Variants in POU2AF1 observed in about 807,000 individuals in gnomAD.
POU2AF1 encodes the protein POU domain class 2-associating factor 1.
Under a neutral mutation model 26.3 loss-of-function variants are expected in POU2AF1, and 12 were observed. The ratio of observed to expected loss-of-function variants is 0.46; its 90% CI spans 0.29 to 0.74. The LOEUF (loss-of-function observed/expected upper bound fraction) is 0.74, where lower values mean the gene tolerates loss of function less well. POU2AF1 is among the 30% of genes least tolerant of loss of function. POU2AF1 has a pLI of 0.09. For missense variants in POU2AF1, 297 were observed against 334.5 expected (o/e 0.89, Z 0.87); for synonymous variants, 175 against 148.0 (o/e 1.18, Z -1.32).
chr11:111,370,722 T>TC (rs1204291988), intron 1 of POU2AF1, among the ~76,000 whole-genome samples: 2 of 152,178 alleles, frequency 1.3e-5, no homozygotes, highest in Non-Finnish European at 2.9e-5. Context: ...ATCCTTGGAT[T>TC]TTCTTCCCAG....
At chr11:111,378,144 T>C (rs1861345128) in intron 1 of POU2AF1, among the ~76,000 whole-genome samples, 2 of 152,244 alleles carry the variant, frequency 1.3e-5, no homozygotes, top group African/African-American at 4.8e-5. Context: ...TTTTCCGAAC[T>C]TTAGTGGATC....
Position 111,354,135 on chromosome 11 carries a change from T to C in POU2AF1, c.*126A>G, listed in dbSNP as rs561477520. On this transcript the variant is annotated 3_prime_UTR_variant, in exon 5 of 5. Coordinates refer to ENST00000393067, the MANE Select transcript of POU2AF1 (RefSeq NM_006235.3). ...GGAAGGAAGGTTTACAGGTCTACAA[T>C]TCTAGCTGTGCGTAGAAAGTGTAGT... The C allele has an allele frequency of 9.4e-7, 1 of 1,061,444 alleles. No individual in the cohort carries two copies. The highest frequency in any genetic ancestry group is 2.6e-5 in the East Asian group (1 of 38,184). The allele number at this position is 1,061,444 out of a possible 1,614,324, so 65.8% of individuals were successfully genotyped here.
intron 1 of POU2AF1, among the ~76,000 whole-genome samples, chr11:111,361,593 T>A (rs1861009725): frequency 6.6e-6 from 1 of 152,250 alleles, no homozygotes; most frequent in African/African-American, 2.4e-5. Context: ...ATTATCTTCC[T>A]TCTGGCCATT....
chr11:111,358,913 C>A lies in POU2AF1; in HGVS notation c.22G>T (p.Ala8Ser), dbSNP rs1422770371. MLWQKPT[A>S]PEQAPAPARP... is the part of the protein sequence containing the mutation. ...GCCGGGGCTGGGGCTTGCTCCGGAG[C>A]TGTGGCTGTGAAAAGCAATGTCCCT... is the stretch of plus-strand genomic sequence containing the variant. Residue 8 changes from alanine (A) to serine (S), a missense_variant, in exon 2 of 5, where the codon GCT becomes TCT. Physicochemically the swap from Ala to Ser is moderately conservative, Grantham distance 99 (BLOSUM62 1). Coordinates refer to ENST00000393067, the MANE Select transcript of POU2AF1 (RefSeq NM_006235.3). 1 of 1,602,160 alleles carries A rather than the reference C, an allele frequency of 6.2e-7. No individual in the cohort carries two copies. Among genetic ancestry groups the A allele is most frequent in the South Asian group, 1.1e-5 (1 of 90,276 alleles).
chr11:111,358,649 C>G (rs550912551), intron 2 of POU2AF1, 139 bp downstream of exon 2: 254 of 1,097,542 alleles, frequency 2.3e-4, no homozygotes, highest in Admixed American at 2.0e-3. Flanking sequence ...CTATCACACT[C>G]TCACACACTC....
At chr11:111,372,716 CA>C (rs1343127469) in intron 1 of POU2AF1, among the ~76,000 whole-genome samples, 3 of 152,230 alleles carry the variant, frequency 2.0e-5, no homozygotes, top group African/African-American at 7.2e-5. Flanking sequence ...TTACACTCAA[CA>C]TCCACCTTCC....
Position 111,367,965 on chromosome 11 carries a change from C to T in POU2AF1, c.17-9047G>A, listed in dbSNP as rs1208307706. Among the ~76,000 whole-genome samples, 4 of 152,158 alleles carry T rather than the reference C, an allele frequency of 2.6e-5. No homozygotes were observed. The East Asian group carries it at 7.7e-4, about 29-fold the overall frequency. On this transcript the variant is annotated intron_variant, in intron 1 of 4. Coordinates refer to ENST00000393067, the MANE Select transcript of POU2AF1 (RefSeq NM_006235.3). ...GAAAGGGTTCGCAGATACACTGTGT[C>T]CCAGGGTAGGGGACAAGACCAAGAG...
rs1165460547 is a variant in POU2AF1 at position 111,354,102 on chromosome 11, G to A, written c.*159C>T. ...GGAGGAAGTGAGGGAGGGAGGGGAAGGAAGAAGGGAAGGAAGGTTTACAGG... is the reference window on the plus strand; with the variant it reads ...GGAGGAAGTGAGGGAGGGAGGGGAAAGAAGAAGGGAAGGAAGGTTTACAGG... On this transcript the variant is annotated 3_prime_UTR_variant, in exon 5 of 5. Transcript: ENST00000393067. 6 of 711,838 alleles carry A rather than the reference G, an allele frequency of 8.4e-6. No homozygotes were observed. Among genetic ancestry groups the A allele is most frequent in the Admixed American group, 3.5e-5 (1 of 28,446 alleles). The allele number at this position is 711,838 out of a possible 1,614,324, so 44.1% of individuals were successfully genotyped here.
chr11:111,357,350 C>T lies in POU2AF1; in HGVS notation c.456+95G>A, dbSNP rs571009338. On this transcript the variant is annotated intron_variant, in intron 4 of 4. Coordinates refer to ENST00000393067, the MANE Select transcript of POU2AF1 (RefSeq NM_006235.3). ...CTGATGACCTGATTATCTTGAGAAT[C>T]AATAGCAAGGAAGATCAGGATCGAG... The T allele has an allele frequency of 1.1e-4, 162 of 1,532,628 alleles. 2 individuals are homozygous for T. In the South Asian group the frequency reaches 1.7e-3, roughly 16 times the overall value. The allele number at this position is 1,532,628 out of a possible 1,614,324, so 94.9% of individuals were successfully genotyped here.
At position 111,373,809 on chromosome 11, in the gene POU2AF1, C is replaced by T. The variant is rs575408647; in HGVS notation, c.16+5353G>A. Among the ~76,000 whole-genome samples the T allele has an allele frequency of 2.0e-5, 3 of 152,262 alleles. No homozygotes were observed. In the South Asian group the frequency reaches 6.2e-4, roughly 32 times the overall value. On this transcript the variant is annotated intron_variant, in intron 1 of 4. Transcript: ENST00000393067. ...ACAAGAGGGTTTCAGAGAAGGCCTC[C>T]CCATCCCAGGTAGGCTCACTTAGTT...
At chr11:111,377,552 C>T (rs1861332639) in intron 1 of POU2AF1, among the ~76,000 whole-genome samples, 1 of 152,164 alleles carries the variant, frequency 6.6e-6, no homozygotes, top group Non-Finnish European at 1.5e-5. Flanking sequence ...TTCGGTGGCA[C>T]CTCACTTACT....
Position 111,353,048 on chromosome 11 carries a change from A to G in POU2AF1, c.*1213T>C. On this transcript the variant is annotated 3_prime_UTR_variant, in exon 5 of 5. Transcript: ENST00000393067. ...AAGGAAGGAAGGAAGGAAGGAAGGA[A>G]GGAAGGAAAGAAACAAAACCCACAT... 5.4e-6 allele frequency: 1 copy of G among 186,312 alleles called. No homozygotes were observed. Among genetic ancestry groups the G allele is most frequent in the Middle Eastern group, 1.7e-3 (1 of 584 alleles). The allele number at this position is 186,312 out of a possible 1,614,324, so 11.5% of individuals were successfully genotyped here. A position where few individuals can be genotyped will look rare whatever the true frequency, so the allele number is the denominator to read the frequency against.
At chr11:111,358,566 A>ACTCACACACTCACACTCC (rs1860928195) in intron 2 of POU2AF1, among the ~76,000 whole-genome samples, 1 of 148,430 alleles carries the variant, frequency 6.7e-6, no homozygotes, top group Non-Finnish European at 1.5e-5. Flanking sequence ...ACATGCATAC[A>ACTCACACACTCACACTCC]CTCACACACT....
intron 1 of POU2AF1, among the ~76,000 whole-genome samples, chr11:111,373,735 C>A (rs77466420): frequency 1.1e-5 from 1 of 91,594 alleles, no homozygotes; most frequent in East Asian, 3.2e-4. Context: ...GAAAGTAAAA[C>A]CCCTGGCTCC....
intron 1 of POU2AF1, among the ~76,000 whole-genome samples, chr11:111,373,866 G>T (rs188176740): frequency 6.6e-6 from 1 of 152,318 alleles, no homozygotes; most frequent in African/African-American, 2.4e-5. Flanking sequence ...GAGAAAACTA[G>T]AGTGTTATTA....
rs746912609 is a variant in POU2AF1, at chr11:111,357,826, G to A, written c.159C>T (p.Pro53=). The part of the protein sequence containing the change: ...AAPAPTAVVL[P]HQPLATYTTV... ...TGGTGTAGGTCGCCAGGGGCTGATGGGGCAGCACCACCTAGAGGGGAGAGG... is the reference window on the plus strand; with the variant it reads ...TGGTGTAGGTCGCCAGGGGCTGATGAGGCAGCACCACCTAGAGGGGAGAGG... Residue 53 remains proline, a synonymous_variant, in exon 3 of 5, where the codon CCC becomes CCT. Transcript: ENST00000393067. 8.7e-6 allele frequency: 14 copies of A among 1,611,476 alleles called. No individual in the cohort carries two copies. The highest frequency in any genetic ancestry group is 1.3e-5 in the African/African-American group (1 of 74,666).
intron 1 of POU2AF1, chr11:111,364,055 GC>G (rs199634815): frequency 1.1e-6 from 1 of 906,296 alleles, no homozygotes; most frequent in Non-Finnish European, 1.3e-6. Context: ...CATTAATTTG[GC>G]CCCTATAAGG....
chr11:111,369,604 G>A (rs889667241), intron 1 of POU2AF1, among the ~76,000 whole-genome samples: 1 of 152,214 alleles, frequency 6.6e-6, no homozygotes, highest in Admixed American at 6.5e-5. Flanking sequence ...TCACCTTGTA[G>A]AGCAAAGCAG....
chr11:111,354,599 G>A, intron 4 of POU2AF1, 24 bp from the exon 5 acceptor site: 3 of 1,494,272 alleles, frequency 2.0e-6, no homozygotes, highest in Non-Finnish European at 2.7e-6. Flanking sequence ...ACACGTGACA[G>A]AGGGTTAGCA....
Sources: gnomAD v4.1 joint callset for allele counts (sites outside exome capture counted in the v4.1 genomes callset) on GRCh38, gnomAD v4.1.1 for gene constraint, MANE v1.5 for transcripts, NCBI Gene and HGNC (gene_info 2026-07-23, HGNC 2026-07-21) for gene names.